SAE1: variants seen among roughly 807,000 people sequenced by gnomAD.
SAE1 encodes SUMO1 activating enzyme subunit 1.
A neutral mutation model predicts 40.6 loss-of-function variants in SAE1; 11 were observed. The ratio of observed to expected loss-of-function variants is 0.27; its 90% CI spans 0.17 to 0.45. The LOEUF is 0.45. SAE1 is among the 20% of genes least tolerant of loss of function. The pLI is 1.00. For missense variants in SAE1, 373 were observed against 427.3 expected, an observed-to-expected ratio of 0.87 and a Z score of 1.12; for synonymous variants, 155 against 154.3, an observed-to-expected ratio of 1.00 and a Z score of -0.03.
At chr19:47,183,373 G>A (rs888075817) in intron 6 of SAE1, among the ~76,000 whole-genome samples, 1 of 151,872 alleles carries the variant, frequency 6.6e-6, no homozygotes, top group Non-Finnish European at 1.5e-5. Flanking sequence ...GAGTCTAAAC[G>A]AGCCAGAGCT....
chr19:47,145,651 G>A (rs941910622), intron 2 of SAE1, among the ~76,000 whole-genome samples: 2 of 152,016 alleles, frequency 1.3e-5, no homozygotes, highest in Non-Finnish European at 2.9e-5. Context: ...CACAACCTCA[G>A]CTCACTGCAA....
At chr19:47,170,929 T>G (rs1213942888) in intron 6 of SAE1, among the ~76,000 whole-genome samples, 3 of 152,152 alleles carry the variant, frequency 2.0e-5, no homozygotes, top group African/African-American at 7.2e-5. Context: ...GTCAAGAGAC[T>G]GTTAGTAAGT....
intron 7 of SAE1, among the ~76,000 whole-genome samples, chr19:47,199,272 C>T (rs2058636723): frequency 6.6e-6 from 1 of 150,948 alleles, no homozygotes; most frequent in Non-Finnish European, 1.5e-5. Flanking sequence ...TAAGTCCCAG[C>T]TACTCGGGAG....
Position 47,155,750 on chromosome 19 carries a change from T to C in SAE1, c.627+537T>C, listed in dbSNP as rs2058319526. On this transcript the variant is annotated intron_variant, in intron 5 of 8. Coordinates refer to ENST00000270225, the MANE Select transcript of SAE1 (RefSeq NM_005500.3). ...AGCCACCATGCCCGGCCCCATACCC[T>C]TTTTTTTTTTTTTTTTGAGATGGAG... Among the ~76,000 whole-genome samples the C allele has an allele frequency of 7.1e-5, 9 of 127,086 alleles. No homozygotes were observed. In the South Asian group the frequency reaches 1.7e-3, roughly 24 times the overall value. 83.4% of individuals were successfully genotyped at this position (127,086 alleles called of 152,430 possible).
intron 5 of SAE1, among the ~76,000 whole-genome samples, chr19:47,163,142 C>T (rs2058369286): frequency 6.6e-6 from 1 of 151,520 alleles, no homozygotes. Context: ...AATTGGGGCA[C>T]TGTTTAATAC....
At chr19:47,201,352 T>C (rs1370852912) in intron 7 of SAE1, among the ~76,000 whole-genome samples, 8 of 141,270 alleles carry the variant, frequency 5.7e-5, no homozygotes, top group Admixed American at 1.5e-4. Flanking sequence ...TGGCCTGTTA[T>C]CTGGTTCCTT....
intron 6 of SAE1, among the ~76,000 whole-genome samples, chr19:47,172,321 C>T (rs1479512068): frequency 2.6e-5 from 4 of 152,190 alleles, no homozygotes; most frequent in African/African-American, 9.6e-5. Flanking sequence ...GAAAATGCCT[C>T]CTCTTGATAG....
At chr19:47,205,019 A>G (rs2058678405) in intron 8 of SAE1, among the ~76,000 whole-genome samples, 1 of 152,196 alleles carries the variant, frequency 6.6e-6, no homozygotes. Context: ...TTGGGTTGCT[A>G]AAACTATACC....
chr19:47,208,201 G>A (rs1484943346), intron 8 of SAE1, among the ~76,000 whole-genome samples: 2 of 152,152 alleles, frequency 1.3e-5, no homozygotes, highest in Non-Finnish European at 2.9e-5. Flanking sequence ...TCTGCTGTTT[G>A]CCCAATGGTG....
At chr19:47,182,544 G>A (rs1450807238) in intron 6 of SAE1, among the ~76,000 whole-genome samples, 1 of 151,884 alleles carries the variant, frequency 6.6e-6, no homozygotes, top group Non-Finnish European at 1.5e-5. Flanking sequence ...CAGTGGTAGA[G>A]AATGCAGACC....
At chr19:47,138,245 T>G (rs1023792389) in intron 1 of SAE1, among the ~76,000 whole-genome samples, 6 of 152,030 alleles carry the variant, frequency 3.9e-5, no homozygotes, top group African/African-American at 1.2e-4. Flanking sequence ...GGTTTCGCCA[T>G]GTTGGCCAGG....
intron 8 of SAE1, among the ~76,000 whole-genome samples, chr19:47,207,726 C>T (rs2058693416): frequency 6.6e-6 from 1 of 152,080 alleles, no homozygotes; most frequent in South Asian, 2.1e-4. Context: ...CTTGATTTCC[C>T]TGGACTTAAG....
chr19:47,191,389 G>C (rs1568606553), intron 6 of SAE1, among the ~76,000 whole-genome samples: 1 of 152,216 alleles, frequency 6.6e-6, no homozygotes, highest in Non-Finnish European at 1.5e-5. Context: ...CCATCTGTTA[G>C]TATAGCCAAA....
At chr19:47,191,915 G>A (rs892978697) in intron 6 of SAE1, among the ~76,000 whole-genome samples, 3 of 152,090 alleles carry the variant, frequency 2.0e-5, no homozygotes, top group African/African-American at 2.4e-5. Flanking sequence ...TTAGCCGGGC[G>A]TGGTGATGGC....
chr19:47,131,786 T>A (rs1313665794), intron 1 of SAE1, among the ~76,000 whole-genome samples: 7 of 144,656 alleles, frequency 4.8e-5, no homozygotes, highest in Admixed American at 7.1e-5. Context: ...CTGCAACCTC[T>A]GCCTCCCGGA....
chr19:47,131,944 A>G (rs1600140309), intron 1 of SAE1, among the ~76,000 whole-genome samples: 1 of 150,864 alleles, frequency 6.6e-6, no homozygotes. Flanking sequence ...CAAGTGATCC[A>G]CCCGCCTCGG....
At chr19:47,184,558 C>T (rs1737375029) in intron 6 of SAE1, among the ~76,000 whole-genome samples, 1 of 151,942 alleles carries the variant, frequency 6.6e-6, no homozygotes, top group Admixed American at 6.6e-5. Flanking sequence ...TGACAGGCAC[C>T]CGCCACCATG....
At chr19:47,145,871 G>C (rs1359864398) in intron 2 of SAE1, among the ~76,000 whole-genome samples, 16 of 151,986 alleles carry the variant, frequency 1.1e-4, no homozygotes. Flanking sequence ...CACCTACTGG[G>C]TGCCCTGAAG....
intron 4 of SAE1, among the ~76,000 whole-genome samples, chr19:47,153,492 T>G (rs1317741876): frequency 6.6e-6 from 1 of 152,148 alleles, no homozygotes; most frequent in Non-Finnish European, 1.5e-5. Context: ...AGATGATACA[T>G]TATTGTAAAA....
Sources: allele counts gnomAD v4.1 joint callset (sites outside exome capture counted in the v4.1 genomes callset), GRCh38; gene constraint gnomAD v4.1.1; transcripts MANE v1.5; gene names NCBI Gene and HGNC (gene_info 2026-07-23, HGNC 2026-07-21).